The following ADAMTS19 variants were observed in gnomAD, a reference collection of about 807,000 sequenced individuals.
ADAMTS19 encodes ADAM metallopeptidase with thrombospondin type 1 motif 19.
Under a neutral mutation model 153.3 loss-of-function variants are expected in ADAMTS19, and 93 were observed. The ratio of observed to expected loss-of-function variants is 0.61; its 90% CI spans 0.51 to 0.72. The LOEUF (loss-of-function observed/expected upper bound fraction) is 0.72. Among genes scored for constraint, ADAMTS19 ranks in the 30% least tolerant of loss-of-function variants. The pLI is 0.00. For synonymous variants in ADAMTS19, 600 were observed against 556.6 expected (o/e 1.08, Z -1.10); for missense variants, 1,482 against 1,552.1 (o/e 0.95, Z 0.76).
At chr5:129,467,380 A>G (rs1256713774) in intron 2 of ADAMTS19, among the ~76,000 whole-genome samples, 3 of 152,246 alleles carry the variant, frequency 2.0e-5, no homozygotes, top group Non-Finnish European at 4.4e-5. Context: ...TTAGTTAGAT[A>G]GAGGTTAAGA....
At chr5:129,689,410 G>A (rs958324202) in intron 18 of ADAMTS19, among the ~76,000 whole-genome samples, 1 of 152,062 alleles carries the variant, frequency 6.6e-6, no homozygotes, top group Non-Finnish European at 1.5e-5. Flanking sequence ...ATAAGGGTGT[G>A]ATTTGTTCTG....
At chr5:129,518,134 A>G (rs74691556) in intron 3 of ADAMTS19, among the ~76,000 whole-genome samples, 2,073 of 152,146 alleles carry the variant, frequency 0.014, 35 homozygotes, top group African/African-American at 0.046. Flanking sequence ...GTTTCTATTT[A>G]TATCTTTGTA....
intron 21 of ADAMTS19, among the ~76,000 whole-genome samples, chr5:129,707,926 T>G (rs2127174151): frequency 6.6e-6 from 1 of 152,286 alleles, no homozygotes; most frequent in South Asian, 2.1e-4. Context: ...AGAAAATACA[T>G]CCTTAGATTC....
intron 19 of ADAMTS19, among the ~76,000 whole-genome samples, chr5:129,699,316 G>A (rs949679863): frequency 2.0e-5 from 3 of 151,912 alleles, no homozygotes; most frequent in African/African-American, 7.3e-5. Flanking sequence ...CCAGCTACTT[G>A]GGAGGCTGAG....
At chr5:129,651,615 T>G (rs17673893) in intron 13 of ADAMTS19, among the ~76,000 whole-genome samples, 1,562 of 152,292 alleles carry the variant, frequency 0.01, 13 homozygotes, top group Non-Finnish European at 0.019. Flanking sequence ...CTTTATTTAT[T>G]TACCTTGAAC....
chr5:129,608,595 AGAG>A (rs898844091), intron 8 of ADAMTS19, among the ~76,000 whole-genome samples: 1 of 152,146 alleles, frequency 6.6e-6, no homozygotes, highest in Non-Finnish European at 1.5e-5. Context: ...ATATGCTCTA[AGAG>A]GAGATTAGAT....
chr5:129,723,518 T>C (rs1365510680), intron 21 of ADAMTS19, among the ~76,000 whole-genome samples: 5 of 152,232 alleles, frequency 3.3e-5, no homozygotes, highest in Non-Finnish European at 7.3e-5. Context: ...ACTATTTCTC[T>C]AATCATTTTG....
intron 8 of ADAMTS19, among the ~76,000 whole-genome samples, chr5:129,608,816 C>T (rs1157644987): frequency 3.6e-5 from 5 of 140,466 alleles, no homozygotes; most frequent in Non-Finnish European, 6.1e-5. Flanking sequence ...CACTGCACTC[C>T]AGCCTGGTCA....
At chr5:129,530,364 G>A (rs1581044770) in intron 6 of ADAMTS19, among the ~76,000 whole-genome samples, 1 of 152,246 alleles carries the variant, frequency 6.6e-6, no homozygotes, top group South Asian at 2.1e-4. Context: ...AAAAATTTCT[G>A]CAAATTTGAT....
At chr5:129,550,780 A>AT (rs1260412538) in intron 6 of ADAMTS19, among the ~76,000 whole-genome samples, 1 of 151,550 alleles carries the variant, frequency 6.6e-6, no homozygotes, top group East Asian at 1.9e-4. Context: ...TAAAAGGATA[A>AT]TTTTACATTT....
chr5:129,680,481 A>T (rs1230023390), intron 17 of ADAMTS19, among the ~76,000 whole-genome samples: 1 of 152,162 alleles, frequency 6.6e-6, no homozygotes, highest in Non-Finnish European at 1.5e-5. Flanking sequence ...TATATAGGCC[A>T]GACGTGGTGG....
chr5:129,525,951 T>C (rs908559111), intron 3 of ADAMTS19, among the ~76,000 whole-genome samples: 1 of 152,030 alleles, frequency 6.6e-6, no homozygotes, highest in Non-Finnish European at 1.5e-5. Context: ...TATTGAGTTA[T>C]TTTGTTTATA....
At chr5:129,470,810 A>G (rs1475648233) in intron 2 of ADAMTS19, among the ~76,000 whole-genome samples, 2 of 152,238 alleles carry the variant, frequency 1.3e-5, no homozygotes, top group Non-Finnish European at 2.9e-5. Context: ...CAGTTTGGGC[A>G]TTACCAAATG....
At chr5:129,543,724 C>G (rs968945676) in intron 6 of ADAMTS19, among the ~76,000 whole-genome samples, 1 of 152,098 alleles carries the variant, frequency 6.6e-6, no homozygotes, top group Non-Finnish European at 1.5e-5. Flanking sequence ...AACATGCAAG[C>G]GGGCCTGAGT....
chr5:129,517,984 G>A (rs184738042), intron 3 of ADAMTS19, among the ~76,000 whole-genome samples: 5 of 152,070 alleles, frequency 3.3e-5, no homozygotes, highest in African/African-American at 7.2e-5. Flanking sequence ...AGGTTACCAT[G>A]AGGTTGCAAA....
intron 8 of ADAMTS19, among the ~76,000 whole-genome samples, chr5:129,607,509 CCA>C (rs1476967050): frequency 6.6e-6 from 1 of 151,926 alleles, no homozygotes; most frequent in Admixed American, 6.6e-5. Flanking sequence ...CAATTGAGTC[CCA>C]GAGTGGAAGA....
chr5:129,584,174 T>C (rs1158078370), intron 7 of ADAMTS19, among the ~76,000 whole-genome samples: 1 of 151,940 alleles, frequency 6.6e-6, no homozygotes, highest in South Asian at 2.1e-4. Flanking sequence ...TCTGCTGGAG[T>C]TTGCTGGAGG....
chr5:129,691,266 T>C lies in ADAMTS19; in HGVS notation c.2819-3454T>C, dbSNP rs1425453263. On this transcript the variant is annotated intron_variant, in intron 18 of 22. Transcript: ENST00000274487. ...AATGCATAATGGTTATTTTATTTTA[T>C]TTATAATTGTATTCAAAACATCCAG... Among the ~76,000 whole-genome samples the C allele has an allele frequency of 5.9e-5, 9 of 152,174 alleles. No homozygotes were observed. The East Asian group carries it at 1.7e-3, about 29-fold the overall frequency.
At chr5:129,587,159 A>T (rs1182524388) in intron 7 of ADAMTS19, among the ~76,000 whole-genome samples, 1 of 152,120 alleles carries the variant, frequency 6.6e-6, no homozygotes, top group Non-Finnish European at 1.5e-5. Context: ...ACTACTAATT[A>T]TATATGTAAT....
Sources: allele counts gnomAD v4.1 joint callset (sites outside exome capture counted in the v4.1 genomes callset), GRCh38; gene constraint gnomAD v4.1.1; transcripts MANE v1.5; gene names NCBI Gene and HGNC (gene_info 2026-07-23, HGNC 2026-07-21).